Variants in EPS15 observed in about 807,000 individuals in gnomAD.
EPS15 encodes the protein epidermal growth factor receptor substrate 15.
In EPS15, 72 loss-of-function variants were observed where a neutral mutation model predicts 113.8. The ratio of observed to expected loss-of-function variants is 0.63; its 90% CI spans 0.52 to 0.77. The LOEUF (loss-of-function observed/expected upper bound fraction) is 0.77. EPS15 is among the 30% of genes least tolerant of loss of function. The probability of loss-of-function intolerance (pLI) is 0.00; values close to 1 mark genes in which losing one functional copy is unlikely to be tolerated. For missense variants in EPS15, 1,048 were observed against 1,045.8 expected (o/e 1.00, Z -0.03); for synonymous variants, 344 against 363.4 (o/e 0.95, Z 0.61).
intron 21 of EPS15, among the ~76,000 whole-genome samples, chr1:51,376,003 A>G (rs1646788329): frequency 6.6e-6 from 1 of 152,278 alleles, no homozygotes. Flanking sequence ...AGTCTAGCTT[A>G]GATAATTGAT....
chr1:51,403,272 T>C (rs1481658582), intron 17 of EPS15, 147 bp downstream of exon 17: 1 of 432,194 alleles, frequency 2.3e-6, no homozygotes, highest in African/African-American at 2.1e-5. Context: ...TACATGGCTA[T>C]ATTGCCTAAA....
chr1:51,403,470 A>C lies in EPS15; in HGVS notation c.1740T>G (p.Ala580=), dbSNP rs1648782219. The C allele has an allele frequency of 1.2e-6, 2 of 1,611,158 alleles. No homozygotes were observed. The highest frequency in any genetic ancestry group is 1.7e-6 in the Non-Finnish European group (2 of 1,178,718). The change falls in exon 17 of 25, where the codon GCT becomes GCG. Residue 580 remains alanine, a synonymous_variant. Transcript: ENST00000371733. ...GVTDENEVTT[A]VTEKVCSELD... is the part of the protein sequence containing the mutation. Reference sequence around the variant, plus strand: ...GTTCAGAACAAACTTTTTCAGTAACAGCTGTAGTCACCTCATTTTCATCAG... The same window carrying C: ...GTTCAGAACAAACTTTTTCAGTAACCGCTGTAGTCACCTCATTTTCATCAG...
chr1:51,484,486 C>T (rs970517274), intron 1 of EPS15, among the ~76,000 whole-genome samples: 2 of 152,000 alleles, frequency 1.3e-5, no homozygotes, highest in African/African-American at 4.8e-5. Context: ...TACACTAAAA[C>T]CAGAATGGAT....
intron 12 of EPS15, among the ~76,000 whole-genome samples, chr1:51,424,525 C>A (rs1168323380): frequency 6.6e-6 from 1 of 152,100 alleles, no homozygotes; most frequent in African/African-American, 2.4e-5. Context: ...ATCTGTGCCA[C>A]AATAAGAAGT....
intron 21 of EPS15, among the ~76,000 whole-genome samples, chr1:51,379,276 C>T (rs536414618): frequency 2.6e-5 from 4 of 152,254 alleles, no homozygotes; most frequent in South Asian, 2.1e-4. Flanking sequence ...CAAGCCACCA[C>T]GCCCGGATAA....
chr1:51,369,214 C>T (rs1646584670), intron 21 of EPS15, among the ~76,000 whole-genome samples: 2 of 152,134 alleles, frequency 1.3e-5, no homozygotes, highest in Non-Finnish European at 2.9e-5. Context: ...CATAAATGAC[C>T]TATTTAGCAC....
chr1:51,410,424 T>C (rs369668470), intron 13 of EPS15, among the ~76,000 whole-genome samples: 1 of 149,954 alleles, frequency 6.7e-6, no homozygotes, highest in South Asian at 2.1e-4. Context: ...TAATTCCAGG[T>C]AAATAATGGA....
chr1:51,507,365 TAAAG>T (rs1644515210), intron 1 of EPS15, among the ~76,000 whole-genome samples: 1 of 151,960 alleles, frequency 6.6e-6, no homozygotes, highest in African/African-American at 2.4e-5. Context: ...GGAAAACACT[TAAAG>T]AAAACAGAAT....
intron 21 of EPS15, chr1:51,372,829 T>A: frequency 1.9e-6 from 1 of 530,684 alleles, no homozygotes; most frequent in Middle Eastern, 7.3e-4. Flanking sequence ...TACCAGCTGA[T>A]CACAAAGAGG....
chr1:51,437,836 A>C (rs949913568), intron 12 of EPS15, among the ~76,000 whole-genome samples: 2 of 152,174 alleles, frequency 1.3e-5, no homozygotes, highest in South Asian at 2.1e-4. Flanking sequence ...GAACTGGCTA[A>C]GATTTTGTCA....
intron 1 of EPS15, among the ~76,000 whole-genome samples, chr1:51,492,882 T>C (rs1644259651): frequency 6.6e-6 from 1 of 152,204 alleles, no homozygotes; most frequent in African/African-American, 2.4e-5. Flanking sequence ...AAACTCCTCT[T>C]TGCTCACCAG....
At chr1:51,501,471 T>G (rs975152815) in intron 1 of EPS15, among the ~76,000 whole-genome samples, 10 of 150,938 alleles carry the variant, frequency 6.6e-5, no homozygotes, top group Non-Finnish European at 1.3e-4. Context: ...TTTTGGGGGG[T>G]TTTTTGTGGG....
intron 13 of EPS15, among the ~76,000 whole-genome samples, chr1:51,421,539 T>C (rs1323208885): frequency 1.3e-5 from 2 of 152,140 alleles, no homozygotes; most frequent in Non-Finnish European, 2.9e-5. Flanking sequence ...GTAAGTACCA[T>C]TTAAAAAATA....
At chr1:51,430,567 C>CAA (rs1284100143) in intron 12 of EPS15, among the ~76,000 whole-genome samples, 2,894 of 91,792 alleles carry the variant, frequency 0.032, 24 homozygotes, top group Middle Eastern at 0.076. Context: ...GACTTCGTCT[C>CAA]AAAAAAAAAA....
chr1:51,512,151 A>G (rs1644632742), intron 1 of EPS15, among the ~76,000 whole-genome samples: 1 of 152,258 alleles, frequency 6.6e-6, no homozygotes, highest in African/African-American at 2.4e-5. Flanking sequence ...GCAGGGTACA[A>G]GGCCAGCTTT....
intron 20 of EPS15, among the ~76,000 whole-genome samples, chr1:51,395,848 T>C (rs1217706248): frequency 6.6e-6 from 1 of 152,210 alleles, no homozygotes; most frequent in Non-Finnish European, 1.5e-5. Context: ...GCAACTCTGA[T>C]GCATGATTAT....
intron 1 of EPS15, among the ~76,000 whole-genome samples, chr1:51,506,281 CTTA>C (rs1644497949): frequency 6.6e-6 from 1 of 152,072 alleles, no homozygotes; most frequent in Admixed American, 6.6e-5. Context: ...ATCTTTTTAA[CTTA>C]TTATTAATTT....
intron 2 of EPS15, among the ~76,000 whole-genome samples, chr1:51,479,516 C>T (rs1482457011): frequency 6.6e-6 from 1 of 152,138 alleles, no homozygotes; most frequent in East Asian, 1.9e-4. Flanking sequence ...GAGCTCTGTT[C>T]CTTTGGAGGA....
At chr1:51,482,387 A>G (rs1333687068) in intron 1 of EPS15, among the ~76,000 whole-genome samples, 1 of 152,198 alleles carries the variant, frequency 6.6e-6, no homozygotes, top group Non-Finnish European at 1.5e-5. Context: ...TCTAAAAAGA[A>G]CAGCAAGAAG....
Sources: allele counts gnomAD v4.1 joint callset (sites outside exome capture counted in the v4.1 genomes callset), GRCh38; gene constraint gnomAD v4.1.1; transcripts MANE v1.5; gene names NCBI Gene and HGNC (gene_info 2026-07-23, HGNC 2026-07-21).